NUP210L: variants seen among roughly 807,000 people sequenced by gnomAD.
The protein encoded by NUP210L is nuclear pore membrane glycoprotein 210-like.
Under a neutral mutation model 208.5 loss-of-function variants are expected in NUP210L, and 74 were observed. The ratio of observed to expected loss-of-function variants is 0.35; its 90% CI spans 0.29 to 0.43. NUP210L has a LOEUF of 0.43. Among genes scored for constraint, NUP210L ranks in the 20% least tolerant of loss-of-function variants. The probability of loss-of-function intolerance (pLI) is 1.00; values close to 1 mark genes in which losing one functional copy is unlikely to be tolerated. For synonymous variants in NUP210L, 780 were observed against 816.9 expected, an observed-to-expected ratio of 0.95 and a Z score of 0.77; for missense variants, 1,843 against 2,289.4, an observed-to-expected ratio of 0.81 and a Z score of 3.98.
At chr1:154,077,469 A>T (rs964546524) in intron 16 of NUP210L, among the ~76,000 whole-genome samples, 1 of 152,132 alleles carries the variant, frequency 6.6e-6, no homozygotes, top group Non-Finnish European at 1.5e-5. Context: ...AGAAATTAAG[A>T]CATTCTAAGA....
chr1:154,025,828 G>A (rs1651848203), intron 29 of NUP210L, 112 bp from the exon 30 acceptor site: 10 of 821,200 alleles, frequency 1.2e-5, no homozygotes, highest in Non-Finnish European at 1.7e-5. Context: ...AAAACTGCTT[G>A]CCATTCTCCA....
chr1:154,094,533 A>G (rs1008198111), intron 15 of NUP210L, among the ~76,000 whole-genome samples: 1 of 152,238 alleles, frequency 6.6e-6, no homozygotes, highest in Admixed American at 6.5e-5. Flanking sequence ...GTATCAGTGT[A>G]GCTCTAATTA....
chr1:154,085,100 C>G (rs1167059375), intron 16 of NUP210L, among the ~76,000 whole-genome samples: 3 of 144,330 alleles, frequency 2.1e-5, no homozygotes, highest in Admixed American at 2.0e-4. Context: ...GTAATCCCAG[C>G]ACTTTGGGAG....
intron 25 of NUP210L, among the ~76,000 whole-genome samples, chr1:154,049,882 C>G: frequency 6.6e-6 from 1 of 152,166 alleles, no homozygotes; most frequent in East Asian, 1.9e-4. Flanking sequence ...CAACCTGAAG[C>G]CTGCTAAGCG....
At chr1:154,052,135 A>T (rs1444169032) in intron 25 of NUP210L, among the ~76,000 whole-genome samples, 1 of 152,238 alleles carries the variant, frequency 6.6e-6, no homozygotes, top group Non-Finnish European at 1.5e-5. Flanking sequence ...CATCTACAGA[A>T]ACCAGCTGCA....
At chr1:154,153,772 G>A (rs1178868844) in intron 1 of NUP210L, among the ~76,000 whole-genome samples, 1 of 152,168 alleles carries the variant, frequency 6.6e-6, no homozygotes, top group African/African-American at 2.4e-5. Flanking sequence ...AGTGATAGAA[G>A]AAATGGCTTT....
intron 38 of NUP210L, among the ~76,000 whole-genome samples, chr1:153,994,210 G>A (rs1401822708): frequency 1.3e-5 from 2 of 152,088 alleles, no homozygotes; most frequent in African/African-American, 4.8e-5. Context: ...CCCTAACTAT[G>A]AATTTCAGCA....
At chr1:154,106,907 G>A (rs1342198692) in intron 12 of NUP210L, among the ~76,000 whole-genome samples, 1 of 152,100 alleles carries the variant, frequency 6.6e-6, no homozygotes, top group Non-Finnish European at 1.5e-5. Context: ...AAGAAGGATG[G>A]GTACAAACAA....
chr1:154,030,123 T>C, intron 27 of NUP210L, 69 bp from the exon 28 acceptor site: 1 of 1,113,176 alleles, frequency 9.0e-7, no homozygotes, highest in Non-Finnish European at 1.2e-6. Flanking sequence ...TTTTTTTCAC[T>C]TTTTTAATAT....
intron 27 of NUP210L, among the ~76,000 whole-genome samples, chr1:154,032,642 G>A (rs917839776): frequency 2.6e-5 from 4 of 152,068 alleles, no homozygotes; most frequent in African/African-American, 7.2e-5. Context: ...TACAGGCCAG[G>A]TGTGGTGGCT....
intron 33 of NUP210L, among the ~76,000 whole-genome samples, chr1:154,016,985 C>T (rs185959633): frequency 7.3e-5 from 11 of 151,282 alleles, no homozygotes; most frequent in South Asian, 2.1e-4. Flanking sequence ...CAAAAAAACA[C>T]GCACAAAAAA....
chr1:154,123,672 G>A, intron 10 of NUP210L, among the ~76,000 whole-genome samples: 1 of 151,968 alleles, frequency 6.6e-6, no homozygotes, highest in East Asian at 1.9e-4. Flanking sequence ...GAGGTCAGGA[G>A]TTCGAGACCA....
intron 17 of NUP210L, among the ~76,000 whole-genome samples, chr1:154,068,015 A>G (rs1244928368): frequency 6.6e-6 from 1 of 152,238 alleles, no homozygotes; most frequent in Non-Finnish European, 1.5e-5. Context: ...AAATGGCCAT[A>G]GTGCCCAAGG....
At chr1:154,109,944 A>G (rs540663301) in intron 12 of NUP210L, among the ~76,000 whole-genome samples, 8 of 151,512 alleles carry the variant, frequency 5.3e-5, no homozygotes, top group Non-Finnish European at 1.2e-4. Context: ...CTACATCAAA[A>G]AAGTAGAGGC....
intron 29 of NUP210L, among the ~76,000 whole-genome samples, chr1:154,026,173 T>G (rs1468315952): frequency 1.3e-5 from 2 of 151,972 alleles, no homozygotes; most frequent in Non-Finnish European, 2.9e-5. Flanking sequence ...AGGCTGAGGT[T>G]GCAGTGAGCC....
At chr1:154,092,535 AGTTTTTT>A (rs1430053124) in intron 15 of NUP210L, among the ~76,000 whole-genome samples, 106 of 143,112 alleles carry the variant, frequency 7.4e-4, no homozygotes, top group African/African-American at 2.0e-3. Flanking sequence ...ATACCTGGCT[AGTTTTTT>A]GTTTTTTGTT....
chr1:154,057,419 C>T (rs1376489859), intron 22 of NUP210L, among the ~76,000 whole-genome samples: 1 of 151,966 alleles, frequency 6.6e-6, no homozygotes, highest in Non-Finnish European at 1.5e-5. Flanking sequence ...GTGGAAGGCT[C>T]CTGAGAGGCA....
At chr1:154,045,737 T>A (rs1653139512) in intron 27 of NUP210L, among the ~76,000 whole-genome samples, 1 of 152,130 alleles carries the variant, frequency 6.6e-6, no homozygotes, top group Admixed American at 6.6e-5. Context: ...ATCCCAGCAC[T>A]TCGGGAGGTC....
At chr1:154,013,006 CA>C (rs149011212) in intron 33 of NUP210L, among the ~76,000 whole-genome samples, 37 of 72,630 alleles carry the variant, frequency 5.1e-4, no homozygotes, top group Admixed American at 8.2e-4. Flanking sequence ...AACTCTGAAT[CA>C]AAAAAAAAAA....
Sources: allele counts gnomAD v4.1 joint callset (sites outside exome capture counted in the v4.1 genomes callset), GRCh38; gene constraint gnomAD v4.1.1; transcripts MANE v1.5; gene names NCBI Gene and HGNC (gene_info 2026-07-23, HGNC 2026-07-21).